KALRN: variants seen among roughly 807,000 people sequenced by gnomAD.
KALRN encodes kalirin RhoGEF kinase, also known as kalirin.
A neutral mutation model predicts 353.7 loss-of-function variants in KALRN; 70 were observed. The observed-to-expected ratio is 0.20, with a 90% confidence interval of 0.16 to 0.24. The LOEUF (loss-of-function observed/expected upper bound fraction) is 0.24, where lower values mean the gene tolerates loss of function less well. Ranked by LOEUF, KALRN falls within the 10% of genes least tolerant of loss-of-function variation. KALRN has a pLI of 1.00. For synonymous variants in KALRN, 1,391 were observed against 1,434.8 expected (o/e 0.97, Z 0.69); for missense variants, 2,791 against 3,756.7 (o/e 0.74, Z 6.72).
intron 1 of KALRN, among the ~76,000 whole-genome samples, chr3:124,180,269 G>A (rs190617848): frequency 1.3e-5 from 2 of 152,288 alleles, no homozygotes; most frequent in East Asian, 1.9e-4. Flanking sequence ...GTGCTCCTGA[G>A]CAGTTCTAGA....
At chr3:124,426,224 C>A (rs748145713) in intron 15 of KALRN, among the ~76,000 whole-genome samples, 1 of 151,972 alleles carries the variant, frequency 6.6e-6, no homozygotes, top group Admixed American at 6.6e-5. Flanking sequence ...ATTGGTGGAG[C>A]GGGAAATACT....
chr3:124,263,240 A>G (rs2073108180), intron 3 of KALRN, among the ~76,000 whole-genome samples: 1 of 152,210 alleles, frequency 6.6e-6, no homozygotes, highest in Non-Finnish European at 1.5e-5. Context: ...TGATTTCAAG[A>G]GTCACTCCTC....
In KALRN at chr3:124,581,391, C is replaced by CAAAAA. The variant is rs5852421; in HGVS notation, c.5182+18312_5182+18316dup. Reference sequence around the variant, plus strand: ...CTGGGTGACAGAGTGAGACTCTGCTCAAAAAAAAAAAAAAGTATCGGTGGA... The same window carrying CAAAAA: ...CTGGGTGACAGAGTGAGACTCTGCTCAAAAAAAAAAAAAAAAAAAGTATCGGTGGA... On this transcript the variant is annotated intron_variant, in intron 34 of 59. Transcript: ENST00000682506. 5.1e-4 allele frequency among the ~76,000 whole-genome samples: 70 copies of CAAAAA among 137,460 alleles called. 2 individuals are homozygous for CAAAAA. Among genetic ancestry groups the CAAAAA allele is most frequent in the East Asian group, 1.1e-3 (5 of 4,702 alleles). 90.2% of individuals were successfully genotyped at this position (137,460 alleles called of 152,430 possible).
intron 34 of KALRN, among the ~76,000 whole-genome samples, chr3:124,604,607 A>G (rs2077135534): frequency 6.6e-6 from 1 of 152,168 alleles, no homozygotes; most frequent in African/African-American, 2.4e-5. Context: ...TTTCCATTCT[A>G]TTGGGTTAGA....
rs767859704 is a variant in KALRN at position 124,490,691 on chromosome 3, C to T, written c.4397-3C>T. On this transcript the variant is annotated splice_region_variant and splice_polypyrimidine_tract_variant and intron_variant, in intron 29 of 59. Coordinates refer to ENST00000682506, the MANE Select transcript of KALRN (RefSeq NM_001388419.1). ...CCACAGGGTGGAAATGGATGTTTTT[C>T]AGGGTTCGACGAGAACCTGGATGTG... 1 of 1,611,342 alleles carries T rather than the reference C, an allele frequency of 6.2e-7. No individual in the cohort carries two copies. Among genetic ancestry groups the T allele is most frequent in the East Asian group, 2.2e-5 (1 of 44,838 alleles).
At chr3:124,047,364 A>C (rs938949034) in intron 1 of KALRN, among the ~76,000 whole-genome samples, 14 of 152,134 alleles carry the variant, frequency 9.2e-5, no homozygotes, top group Non-Finnish European at 4.4e-5. Context: ...TCAGAAAGGG[A>C]GTTTTAGTCA....
At chr3:124,209,965 T>C (rs748818174) in intron 1 of KALRN, among the ~76,000 whole-genome samples, 1 of 152,242 alleles carries the variant, frequency 6.6e-6, no homozygotes, top group Non-Finnish European at 1.5e-5. Flanking sequence ...ATAACTCATT[T>C]TCATTTGGTA....
chr3:124,195,504 C>T (rs759922079), intron 1 of KALRN, among the ~76,000 whole-genome samples: 6 of 152,102 alleles, frequency 3.9e-5, no homozygotes, highest in African/African-American at 7.2e-5. Context: ...CGTGTGCTGT[C>T]AGGGTGAGAG....
chr3:124,519,360 C>T (rs189240396), intron 33 of KALRN: 1 of 985,442 alleles, frequency 1.0e-6, no homozygotes, highest in East Asian at 1.1e-4. Context: ...TTCCAACACA[C>T]TCAAGAGAGA....
chr3:124,049,450 CAT>C (rs1273777594), intron 1 of KALRN, among the ~76,000 whole-genome samples: 13 of 152,224 alleles, frequency 8.5e-5, no homozygotes, highest in African/African-American at 2.9e-4. Flanking sequence ...TGCCATACCT[CAT>C]AGGAATAGTA....
chr3:124,036,881 C>T (rs1470129288), intron 1 of KALRN, among the ~76,000 whole-genome samples: 1 of 152,144 alleles, frequency 6.6e-6, no homozygotes, highest in Non-Finnish European at 1.5e-5. Context: ...ATCCCTTGAC[C>T]AATTGGTTAA....
chr3:124,194,237 G>A (rs145592730), intron 1 of KALRN, among the ~76,000 whole-genome samples: 190 of 152,310 alleles, frequency 1.2e-3, no homozygotes, highest in African/African-American at 4.4e-3. Flanking sequence ...GGGAGCGATC[G>A]ATGTGGGCTG....
chr3:124,325,444 A>G (rs907927475), intron 6 of KALRN, among the ~76,000 whole-genome samples: 5 of 152,204 alleles, frequency 3.3e-5, no homozygotes, highest in African/African-American at 1.2e-4. Flanking sequence ...GGTAGGAGGA[A>G]GGTGGGGACA....
chr3:124,719,050 T>A lies in KALRN; in HGVS notation c.8541T>A (p.Ala2847=). ...IHHLLGNPEF[A]APEVIQGIPV... ...ACCTGCTGGGGAACCCTGAGTTTGCTGCCCCAGAAGTCATTCAAGGCATCC... is the reference window on the plus strand; with the variant it reads ...ACCTGCTGGGGAACCCTGAGTTTGCAGCCCCAGAAGTCATTCAAGGCATCC... The change falls in exon 60 of 60, where the codon GCT becomes GCA. Residue 2847 remains alanine, a synonymous_variant. Coordinates refer to ENST00000682506, the MANE Select transcript of KALRN (RefSeq NM_001388419.1). This position sits in a 1 kb window ranked among gnomAD's most constrained non-coding sequence, Gnocchi z 5.3. 6.2e-7 allele frequency: 1 copy of A among 1,614,222 alleles called. No individual in the cohort carries two copies. Among genetic ancestry groups the A allele is most frequent in the Non-Finnish European group, 8.5e-7 (1 of 1,180,040 alleles).
chr3:124,537,751 G>A (rs1172138943), intron 33 of KALRN, among the ~76,000 whole-genome samples: 2 of 152,242 alleles, frequency 1.3e-5, no homozygotes, highest in African/African-American at 2.4e-5. Flanking sequence ...TAGCAGATGA[G>A]TAGGAAAGAC....
At chr3:124,297,130 C>T (rs991880730) in intron 5 of KALRN, among the ~76,000 whole-genome samples, 16 of 152,344 alleles carry the variant, frequency 1.1e-4, no homozygotes, top group Middle Eastern at 3.4e-3. Context: ...CCACCTCCAG[C>T]GGTCCCTGGC....
chr3:124,482,715 C>T, intron 27 of KALRN, 93 bp from the exon 28 acceptor site: 13 of 812,930 alleles, frequency 1.6e-5, no homozygotes, highest in Admixed American at 5.5e-5. Context: ...TCTCTTTCTT[C>T]CTCTCTTCTG....
chr3:124,696,317 C>T, intron 54 of KALRN, 62 bp downstream of exon 54: 1 of 1,511,344 alleles, frequency 6.6e-7, no homozygotes, highest in East Asian at 2.4e-5. Context: ...CAGGTTCTTG[C>T]TCTGCTGCCC....
At chr3:124,636,030 G>A (rs685545) in intron 36 of KALRN, among the ~76,000 whole-genome samples, 99,926 of 152,038 alleles carry the variant, frequency 0.66, 33,950 homozygotes, top group East Asian at 0.9. Flanking sequence ...AAAGAGGATA[G>A]CTTGATTTTC....
Sources: allele counts gnomAD v4.1 joint callset (sites outside exome capture counted in the v4.1 genomes callset), GRCh38; gene constraint gnomAD v4.1.1; non-coding constraint Gnocchi (gnomAD v3.1); transcripts MANE v1.5; gene names NCBI Gene and HGNC (gene_info 2026-07-23, HGNC 2026-07-21).